PCDHA8: variants seen among roughly 807,000 people sequenced by gnomAD.
The protein encoded by PCDHA8 is protocadherin alpha 8, also known as protocadherin alpha-8.
PCDHA8 carries 53 observed loss-of-function variants against 61.8 expected under a neutral mutation model. The ratio of observed to expected loss-of-function variants is 0.86; its 90% CI spans 0.69 to 1.08. The LOEUF is 1.08. Ranked by LOEUF, PCDHA8 falls within the 50% of genes least tolerant of loss-of-function variation. The pLI is 0.00. For missense variants in PCDHA8, 1,293 were observed against 1,245.0 expected (o/e 1.04, Z -0.58); for synonymous variants, 618 against 556.6 (o/e 1.11, Z -1.55).
In PCDHA8 at chr5:140,841,397, G is replaced by T; in HGVS notation, c.76G>T (p.Val26Leu). 1.9e-6 allele frequency: 3 copies of T among 1,613,254 alleles called. No homozygotes were observed. The highest frequency in any genetic ancestry group is 2.5e-6 in the Non-Finnish European group (3 of 1,179,864). ...GCTTCTGCTCCTCGCAGCCTGGAAG[G>T]TGGGGAGCGGCCAGCTCCACTACTC... ...LLLLLLAAWK[V>L]GSGQLHYSVP... Residue 26 changes from valine (V) to leucine (L), a missense_variant, in exon 1 of 4, where the codon GTG (valine) becomes TTG (leucine). Physicochemically the swap from Val to Leu is conservative, Grantham distance 32. Transcript: ENST00000531613.
chr5:140,851,095 T>C, intron 1 of PCDHA8: 1 of 1,289,772 alleles, frequency 7.8e-7, no homozygotes, highest in East Asian at 2.7e-5. Context: ...TAAATAGATA[T>C]TTTTTGGGTG....
chr5:140,995,993 A>G (rs1017469411), intron 3 of PCDHA8, among the ~76,000 whole-genome samples: 16 of 152,226 alleles, frequency 1.1e-4, no homozygotes, highest in Non-Finnish European at 1.8e-4. Context: ...GCCACTCAAA[A>G]ATGTCGTCAG....
At chr5:140,979,548 C>A (rs2153819465) in intron 2 of PCDHA8, among the ~76,000 whole-genome samples, 1 of 152,286 alleles carries the variant, frequency 6.6e-6, no homozygotes, top group African/African-American at 2.4e-5. Context: ...TGACATGGTT[C>A]TTCAGAAGAT....
Position 140,843,556 on chromosome 5 carries a change from G to A in PCDHA8, c.2235G>A (p.Val745=). 1 of 1,595,980 alleles carries A rather than the reference G, an allele frequency of 6.3e-7. No homozygotes were observed. Among genetic ancestry groups the A allele is most frequent in the Non-Finnish European group, 8.6e-7 (1 of 1,165,494 alleles). ...CCACTCTGGTGTGCTCCAGTGCGGTGGGGAGCTGGTCATACTCGCAACAAC... is the reference window on the plus strand; with the variant it reads ...CCACTCTGGTGTGCTCCAGTGCGGTAGGGAGCTGGTCATACTCGCAACAAC... ...GKPTLVCSSA[V]GSWSYSQQQP... Residue 745 remains valine, a synonymous_variant, in exon 1 of 4, where the codon GTG becomes GTA. Coordinates refer to ENST00000531613, the MANE Select transcript of PCDHA8 (RefSeq NM_018911.3).
chr5:140,947,586 A>G (rs958279437), intron 1 of PCDHA8, among the ~76,000 whole-genome samples: 1 of 151,670 alleles, frequency 6.6e-6, no homozygotes, highest in Non-Finnish European at 1.5e-5. Context: ...TAACATTTAG[A>G]TCAATTTAGG....
chr5:140,922,465 T>G (rs116670359), intron 1 of PCDHA8, among the ~76,000 whole-genome samples: 1 of 152,190 alleles, frequency 6.6e-6, no homozygotes, highest in African/African-American at 2.4e-5. Flanking sequence ...CAACACAAAA[T>G]AGGAGAGAAG....
chr5:141,005,701 C>CAAAAAA (rs59860837), intron 3 of PCDHA8, among the ~76,000 whole-genome samples: 13 of 7,792 alleles, frequency 1.7e-3, no homozygotes, highest in East Asian at 3.2e-3. Context: ...AACTCCGTCT[C>CAAAAAA]AAAAAAAAAA....
chr5:140,875,694 T>C, intron 1 of PCDHA8: 1 of 1,614,008 alleles, frequency 6.2e-7, no homozygotes, highest in South Asian at 1.1e-5. Flanking sequence ...ACGGGGACCT[T>C]CTGGAGGTAA....
intron 1 of PCDHA8, chr5:140,856,703 C>A (rs1413055800): frequency 1.9e-6 from 3 of 1,596,568 alleles, no homozygotes; most frequent in Admixed American, 1.7e-5. Context: ...TGGAGGCAAA[C>A]CTGAATTTAC....
At chr5:140,879,103 GGT>G (rs2057856027) in intron 1 of PCDHA8, among the ~76,000 whole-genome samples, 1 of 152,156 alleles carries the variant, frequency 6.6e-6, no homozygotes, top group Admixed American at 6.6e-5. Flanking sequence ...CACAGTATAT[GGT>G]GTAATTGAAG....
intron 1 of PCDHA8, chr5:140,875,899 T>C: frequency 1.2e-6 from 2 of 1,614,192 alleles, no homozygotes; most frequent in South Asian, 1.1e-5. Context: ...GGTACCTGTT[T>C]CTGAATCTGC....
At chr5:140,874,397 T>A (rs1447759550) in intron 1 of PCDHA8, among the ~76,000 whole-genome samples, 3 of 152,230 alleles carry the variant, frequency 2.0e-5, no homozygotes, top group African/African-American at 7.2e-5. Flanking sequence ...CCCCCTTGCA[T>A]AACAGTCACC....
At chr5:140,855,757 G>C (rs1242521250) in intron 1 of PCDHA8, 2 of 357,032 alleles carry the variant, frequency 5.6e-6, no homozygotes, top group African/African-American at 2.1e-5. Flanking sequence ...GGCTTTGAAA[G>C]TCCATAGACA....
At position 140,856,167 on chromosome 5, in the gene PCDHA8, A is replaced by T. The variant is rs141221498; in HGVS notation, c.2394+12452A>T. ...TACTCAGTCTACGAGGAGGCCAGAC[A>T]CGGCACCTTCGTGGGCCGCATCGCG... is the stretch of plus-strand genomic sequence containing the variant. On this transcript the variant is annotated intron_variant, in intron 1 of 3. Coordinates refer to ENST00000531613, the MANE Select transcript of PCDHA8 (RefSeq NM_018911.3). 4.0e-5 allele frequency: 64 copies of T among 1,598,222 alleles called. 4 individuals carry two copies. The African/African-American group carries it at 8.5e-4, about 21-fold the overall frequency.
chr5:140,982,035 A>G (rs950479755), intron 2 of PCDHA8, among the ~76,000 whole-genome samples: 2 of 152,280 alleles, frequency 1.3e-5, no homozygotes, highest in Admixed American at 1.3e-4. Context: ...CAATACTCCA[A>G]TTATCAGAAA....
At chr5:140,966,654 T>G (rs1048894569) in intron 1 of PCDHA8, 2 of 1,185,100 alleles carry the variant, frequency 1.7e-6, no homozygotes, top group Non-Finnish European at 2.2e-6. Flanking sequence ...GCGTGAGCGG[T>G]GGGGGAGCAG....
Position 140,875,563 on chromosome 5 carries a change from C to T in PCDHA8, c.2394+31848C>T, listed in dbSNP as rs1554167760. The T allele has an allele frequency of 3.1e-6, 5 of 1,614,014 alleles. No homozygotes were observed. The Admixed American group carries it at 8.3e-5, about 27-fold the overall frequency. ...AGCCTGGGAGGTGGGGAGCGGCCAG[C>T]TCCACTACTCCGTCTACGAGGAGGC... On this transcript the variant is annotated intron_variant, in intron 1 of 3. Transcript: ENST00000531613.
intron 2 of PCDHA8, among the ~76,000 whole-genome samples, chr5:140,980,713 C>A (rs1034858406): frequency 1.3e-5 from 2 of 151,364 alleles, no homozygotes; most frequent in Non-Finnish European, 2.9e-5. Context: ...TGCTCCTATT[C>A]GGGTTTCAAT....
At chr5:140,844,128 T>G (rs1265554097) in intron 1 of PCDHA8, among the ~76,000 whole-genome samples, 4 of 149,752 alleles carry the variant, frequency 2.7e-5, no homozygotes, top group South Asian at 2.1e-4. Flanking sequence ...ATGCATGTTT[T>G]AAATATGTTG....
Sources: gnomAD v4.1 joint callset for allele counts (sites outside exome capture counted in the v4.1 genomes callset) on GRCh38, gnomAD v4.1.1 for gene constraint, MANE v1.5 for transcripts, NCBI Gene and HGNC (gene_info 2026-07-23, HGNC 2026-07-21) for gene names.